The following SETBP1 variants were observed in gnomAD, a reference collection of about 807,000 sequenced individuals.
The protein encoded by SETBP1 is SET binding protein 1.
In SETBP1, 9 loss-of-function variants were observed where a neutral mutation model predicts 101.0. That is an observed-to-expected ratio of 0.09 (90% CI 0.05 to 0.16). The LOEUF (loss-of-function observed/expected upper bound fraction) is 0.16, where lower values mean the gene tolerates loss of function less well. Ranked by LOEUF, SETBP1 falls within the 10% of genes least tolerant of loss-of-function variation. SETBP1 has a pLI of 1.00. For synonymous variants in SETBP1, 818 were observed against 788.5 expected (o/e 1.04, Z -0.63); for missense variants, 1,858 against 2,033.8 (o/e 0.91, Z 1.66).
At chr18:44,979,623 G>A (rs1474603932) in intron 4 of SETBP1, among the ~76,000 whole-genome samples, 7 of 152,148 alleles carry the variant, frequency 4.6e-5, no homozygotes, top group African/African-American at 1.7e-4. Flanking sequence ...GATTGAGCTG[G>A]TCATTTTGAT....
chr18:44,990,734 G>C (rs1475583710), intron 4 of SETBP1, among the ~76,000 whole-genome samples: 2 of 151,690 alleles, frequency 1.3e-5, no homozygotes, highest in Admixed American at 6.6e-5. Flanking sequence ...ACTAGGAATA[G>C]CATAGAAGTA....
In SETBP1 at chr18:44,703,348, GTTTTTTTTTTTTTTTTTTTTTTTTTTT is replaced by G. The variant is rs531974601; in HGVS notation, c.486+1536_486+1562del. On this transcript the variant is annotated intron_variant, in intron 2 of 5. Coordinates refer to ENST00000649279, the MANE Select transcript of SETBP1 (RefSeq NM_015559.3). ...TCCATAGCATTTCTGTTACCATTAG[GTTTTTTTTTTTTTTTTTTTTTTTTTTT>G]TTTTTTTTTTTTTTTTTTTAGCTTT... Among the ~76,000 whole-genome samples, 212 of 51,448 alleles carry G rather than the reference GTTTTTTTTTTTTTTTTTTTTTTTTTTT, an allele frequency of 4.1e-3. 2 individuals carry two copies. The highest frequency in any genetic ancestry group is 0.013 in the African/African-American group (181 of 13,956). The allele number at this position is 51,448 out of a possible 152,430, so 33.8% of individuals were successfully genotyped here.
At position 44,920,997 on chromosome 18, in the gene SETBP1, C is replaced by G. The variant is rs377233017; in HGVS notation, c.541-28884C>G. ...TAGCGCTGAACTGACAAGTCTGAGG[C>G]CTCGATTTCAGTCTTTATCATTAAC... On this transcript the variant is annotated intron_variant, in intron 3 of 5. Coordinates refer to ENST00000649279, the MANE Select transcript of SETBP1 (RefSeq NM_015559.3). Among the ~76,000 whole-genome samples the G allele has an allele frequency of 3.3e-5, 5 of 152,122 alleles. No homozygotes were observed. In the South Asian group the frequency reaches 1.0e-3, roughly 31 times the overall value.
intron 3 of SETBP1, among the ~76,000 whole-genome samples, chr18:44,927,141 G>A (rs753123628): frequency 2.0e-4 from 31 of 152,060 alleles, no homozygotes; most frequent in Non-Finnish European, 4.0e-4. Flanking sequence ...GGTCTCCAAC[G>A]TCCTTCACAA....
At chr18:44,863,237 TA>T (rs2041025579) in intron 2 of SETBP1, among the ~76,000 whole-genome samples, 1 of 152,210 alleles carries the variant, frequency 6.6e-6, no homozygotes, top group African/African-American at 2.4e-5. Flanking sequence ...TGACATATCT[TA>T]CAATTCTTCC....
intron 3 of SETBP1, among the ~76,000 whole-genome samples, chr18:44,929,522 G>A (rs2070778799): frequency 2.0e-5 from 3 of 152,090 alleles, no homozygotes; most frequent in Admixed American, 2.0e-4. Flanking sequence ...AAATTACCTT[G>A]GGCAATATGG....
rs561529851 is a variant in SETBP1, at chr18:44,991,804, G to A, written c.4000+38464G>A. On this transcript the variant is annotated intron_variant, in intron 4 of 5. Transcript: ENST00000649279. ...TTCCAAATCTAATTGTAATAAACAC[G>A]CATAAGTGCTACATCCAACTAATAG... Among the ~76,000 whole-genome samples the A allele has an allele frequency of 2.6e-4, 40 of 152,144 alleles. 1 individual carries two copies. Among genetic ancestry groups the A allele is most frequent in the Middle Eastern group, 3.4e-3 (1 of 292 alleles).
chr18:44,978,441 C>T lies in SETBP1; in HGVS notation c.4000+25101C>T, dbSNP rs552364119. Among the ~76,000 whole-genome samples, 5 of 152,196 alleles carry T rather than the reference C, an allele frequency of 3.3e-5. No individual in the cohort carries two copies. In the South Asian group the frequency reaches 1.0e-3, roughly 32 times the overall value. ...TCACAAAGCCCAAATAAACTGAAGC[C>T]CAAATGAGTGAGCAATAGGAATCTA... On this transcript the variant is annotated intron_variant, in intron 4 of 5. Coordinates refer to ENST00000649279, the MANE Select transcript of SETBP1 (RefSeq NM_015559.3).
At chr18:44,882,391 G>A (rs1010547389) in intron 3 of SETBP1, among the ~76,000 whole-genome samples, 8 of 152,068 alleles carry the variant, frequency 5.3e-5, no homozygotes, top group African/African-American at 1.2e-4. Context: ...CGGACGAAGC[G>A]CTAAAGGCTG....
At chr18:44,906,434 C>A (rs2070177564) in intron 3 of SETBP1, among the ~76,000 whole-genome samples, 1 of 152,158 alleles carries the variant, frequency 6.6e-6, no homozygotes, top group African/African-American at 2.4e-5. Flanking sequence ...GAGAAAATAT[C>A]CAGCAAAGAT....
intron 5 of SETBP1, among the ~76,000 whole-genome samples, chr18:45,060,310 T>G (rs2073871536): frequency 6.6e-6 from 1 of 152,190 alleles, no homozygotes; most frequent in South Asian, 2.1e-4. Context: ...TAACAGTTAT[T>G]GCCCAATCAC....
At chr18:44,931,829 G>A (rs1320275992) in intron 3 of SETBP1, among the ~76,000 whole-genome samples, 2 of 152,108 alleles carry the variant, frequency 1.3e-5, no homozygotes, top group Admixed American at 1.3e-4. Context: ...GAGCCTATAT[G>A]TGTCTCTGCA....
chr18:44,935,196 C>T (rs2070931976), intron 3 of SETBP1, among the ~76,000 whole-genome samples: 1 of 152,170 alleles, frequency 6.6e-6, no homozygotes, highest in Non-Finnish European at 1.5e-5. Flanking sequence ...TTGCAGTTCA[C>T]AGTGTTCATG....
intron 1 of SETBP1, among the ~76,000 whole-genome samples, chr18:44,687,412 A>G (rs575433735): frequency 3.9e-5 from 6 of 152,292 alleles, no homozygotes; most frequent in African/African-American, 1.4e-4. Flanking sequence ...CCTTTGCTAA[A>G]TGTTTGATGG....
At chr18:45,042,860 T>C (rs1290832505) in intron 5 of SETBP1, among the ~76,000 whole-genome samples, 2 of 152,080 alleles carry the variant, frequency 1.3e-5, no homozygotes, top group Non-Finnish European at 2.9e-5. Context: ...CTGCCGGAGG[T>C]GCTCAAACAG....
intron 3 of SETBP1, among the ~76,000 whole-genome samples, chr18:44,877,617 A>T (rs1218750026): frequency 6.6e-6 from 1 of 152,208 alleles, no homozygotes; most frequent in East Asian, 1.9e-4. Context: ...ATAACAGGGC[A>T]TTTTTAACAA....
intron 4 of SETBP1, among the ~76,000 whole-genome samples, chr18:44,963,735 C>T (rs1455524957): frequency 6.6e-6 from 1 of 150,672 alleles, no homozygotes; most frequent in Non-Finnish European, 1.5e-5. Flanking sequence ...TAAAAATATA[C>T]AAAAATTAGC....
Position 44,694,516 on chromosome 18 carries a change from C to T in SETBP1, c.-172-6659C>T, listed in dbSNP as rs543788466. ...CATGCGCCACCGCACTCCATGGCTG[C>T]ATTTTAAGCTACCAACTTAATGCCA... On this transcript the variant is annotated intron_variant, in intron 1 of 5. Coordinates refer to ENST00000649279, the MANE Select transcript of SETBP1 (RefSeq NM_015559.3). Among the ~76,000 whole-genome samples, 191 of 152,346 alleles carry T rather than the reference C, an allele frequency of 1.3e-3. 1 individual carries two copies. Among genetic ancestry groups the T allele is most frequent in the Admixed American group, 2.4e-3 (36 of 15,302 alleles).
chr18:44,942,233 T>C lies in SETBP1; in HGVS notation c.541-7648T>C, dbSNP rs370835000. ...CTCAGCTGAATGCCTGGGATATTCA[T>C]TGAAGCCTCCCCACTCTGTCTGGTG... On this transcript the variant is annotated intron_variant, in intron 3 of 5. Coordinates refer to ENST00000649279, the MANE Select transcript of SETBP1 (RefSeq NM_015559.3). 5.9e-5 allele frequency among the ~76,000 whole-genome samples: 9 copies of C among 152,242 alleles called. 1 individual carries two copies. The highest frequency in any genetic ancestry group is 2.1e-4 in the South Asian group (1 of 4,824).
Sources: gnomAD v4.1 joint callset for allele counts (sites outside exome capture counted in the v4.1 genomes callset) on GRCh38, gnomAD v4.1.1 for gene constraint, MANE v1.5 for transcripts, NCBI Gene and HGNC (gene_info 2026-07-23, HGNC 2026-07-21) for gene names.